The following FBXL7 variants were observed in gnomAD, a reference collection of about 807,000 sequenced individuals.
The protein encoded by FBXL7 is F-box/LRR-repeat protein 7.
In FBXL7, 12 loss-of-function variants were observed where a neutral mutation model predicts 38.3. That is an observed-to-expected ratio of 0.31 (90% CI 0.20 to 0.51). The LOEUF (loss-of-function observed/expected upper bound fraction) is 0.51. Among genes scored for constraint, FBXL7 ranks in the 20% least tolerant of loss-of-function variants. The pLI is 0.98. For missense variants in FBXL7, 567 were observed against 676.4 expected, an observed-to-expected ratio of 0.84 and a Z score of 1.79; for synonymous variants, 297 against 300.9, an observed-to-expected ratio of 0.99 and a Z score of 0.13.
At chr5:15,903,602 G>A (rs1366641775) in intron 2 of FBXL7, among the ~76,000 whole-genome samples, 1 of 152,078 alleles carries the variant, frequency 6.6e-6, no homozygotes, top group Non-Finnish European at 1.5e-5. Flanking sequence ...AAACTTGACA[G>A]TATAGCAACT....
intron 1 of FBXL7, among the ~76,000 whole-genome samples, chr5:15,567,831 G>A (rs1043579011): frequency 1.3e-4 from 19 of 151,662 alleles, no homozygotes; most frequent in Admixed American, 2.0e-4. Context: ...CCACCTATGA[G>A]TGAGAACATA....
At position 15,936,859 on chromosome 5, in the gene FBXL7, G is replaced by T. The variant is rs780770958; in HGVS notation, c.1149G>T (p.Ala383=). 6 of 1,613,784 alleles carry T rather than the reference G, an allele frequency of 3.7e-6. No individual in the cohort carries two copies. Among genetic ancestry groups the T allele is most frequent in the Non-Finnish European group, 3.4e-6 (4 of 1,179,860 alleles). ...KYCSKLRYLN[A]RGCEGITDHG... is the part of the protein sequence containing the mutation. Reference sequence around the variant, plus strand: ...GCAGCAAGCTGCGCTACCTCAACGCGAGGGGCTGCGAGGGCATCACGGACC... The same window carrying T: ...GCAGCAAGCTGCGCTACCTCAACGCTAGGGGCTGCGAGGGCATCACGGACC... Residue 383 remains alanine, a synonymous_variant, in exon 4 of 4, where the codon GCG becomes GCT. Coordinates refer to ENST00000504595, the MANE Select transcript of FBXL7 (RefSeq NM_012304.5). This position sits in a 1 kb window ranked among gnomAD's most constrained non-coding sequence, Gnocchi z 6.0.
intron 2 of FBXL7, among the ~76,000 whole-genome samples, chr5:15,680,340 A>G (rs796868381): frequency 1.9e-4 from 29 of 152,344 alleles, no homozygotes; most frequent in African/African-American, 5.5e-4. Flanking sequence ...GATGTCTTAC[A>G]TGTGAGTTGA....
At chr5:15,653,096 T>G (rs184383714) in intron 2 of FBXL7, among the ~76,000 whole-genome samples, 70 of 152,332 alleles carry the variant, frequency 4.6e-4, no homozygotes, top group African/African-American at 1.6e-3. Flanking sequence ...AAGTACAGTT[T>G]GTGGTGCTGC....
At chr5:15,544,095 G>A (rs1031949127) in intron 1 of FBXL7, among the ~76,000 whole-genome samples, 1 of 152,224 alleles carries the variant, frequency 6.6e-6, no homozygotes, top group African/African-American at 2.4e-5. Context: ...GTGCAGAACT[G>A]CCTCTGAGAA....
At chr5:15,702,682 T>C (rs765668426) in intron 2 of FBXL7, among the ~76,000 whole-genome samples, 3 of 152,258 alleles carry the variant, frequency 2.0e-5, no homozygotes, top group Non-Finnish European at 4.4e-5. Flanking sequence ...TGTTGACATT[T>C]CTAGTTGACT....
intron 1 of FBXL7, among the ~76,000 whole-genome samples, chr5:15,522,345 G>A (rs1737120632): frequency 6.6e-6 from 1 of 152,182 alleles, no homozygotes; most frequent in Non-Finnish European, 1.5e-5. Context: ...TTTCTGGGCA[G>A]TGTGCCCAGT....
At chr5:15,557,189 T>C (rs1374805757) in intron 1 of FBXL7, among the ~76,000 whole-genome samples, 1 of 152,182 alleles carries the variant, frequency 6.6e-6, no homozygotes, top group East Asian at 1.9e-4. Flanking sequence ...CCCCCAGCCT[T>C]GGCCTCTCAA....
At chr5:15,774,166 C>T (rs569160916) in intron 2 of FBXL7, among the ~76,000 whole-genome samples, 1 of 151,802 alleles carries the variant, frequency 6.6e-6, no homozygotes, top group African/African-American at 2.4e-5. Flanking sequence ...TTTTCAGCTT[C>T]CAGAGGCTAC....
intron 2 of FBXL7, among the ~76,000 whole-genome samples, chr5:15,852,457 AAAGG>A (rs1363965853): frequency 6.6e-6 from 1 of 152,176 alleles, no homozygotes; most frequent in Non-Finnish European, 1.5e-5. Flanking sequence ...GAGTGAGGAG[AAAGG>A]GAATCATTTG....
At chr5:15,929,582 CCA>C (rs1741983806) in intron 3 of FBXL7, among the ~76,000 whole-genome samples, 1 of 150,426 alleles carries the variant, frequency 6.6e-6, no homozygotes, top group African/African-American at 2.5e-5. Flanking sequence ...TATGATCATA[CCA>C]CTGCACTCCA....
chr5:15,650,678 A>T (rs1741678224), intron 2 of FBXL7, among the ~76,000 whole-genome samples: 1 of 152,224 alleles, frequency 6.6e-6, no homozygotes, highest in African/African-American at 2.4e-5. Context: ...GAATATTTTA[A>T]ATGTTTTCTT....
At chr5:15,667,064 AAG>A (rs1401490215) in intron 2 of FBXL7, among the ~76,000 whole-genome samples, 1 of 152,212 alleles carries the variant, frequency 6.6e-6, no homozygotes, top group Non-Finnish European at 1.5e-5. Flanking sequence ...TAAGAAATAA[AAG>A]AGAAACTTTA....
intron 2 of FBXL7, among the ~76,000 whole-genome samples, chr5:15,664,608 A>G (rs1437835100): frequency 6.6e-6 from 1 of 150,674 alleles, no homozygotes; most frequent in Non-Finnish European, 1.5e-5. Context: ...AGTAGCTGGG[A>G]TTACAAGCAG....
Position 15,620,420 on chromosome 5 carries a change from T to G in FBXL7, c.127+4348T>G, listed in dbSNP as rs558495827. Among the ~76,000 whole-genome samples, 319 of 150,796 alleles carry G rather than the reference T, an allele frequency of 2.1e-3. 2 individuals carry two copies. Among genetic ancestry groups the G allele is most frequent in the Middle Eastern group, 0.014 (4 of 294 alleles). On this transcript the variant is annotated intron_variant, in intron 2 of 3. Coordinates refer to ENST00000504595, the MANE Select transcript of FBXL7 (RefSeq NM_012304.5). ...GCTAATTTTTTGTTTTTTGTTTTTT[T>G]TTTTTTTTAAGTAGAAACGGGGTTT...
intron 2 of FBXL7, among the ~76,000 whole-genome samples, chr5:15,676,695 A>C (rs1742664787): frequency 6.6e-6 from 1 of 152,222 alleles, no homozygotes; most frequent in African/African-American, 2.4e-5. Context: ...TTACAAGAGC[A>C]GGGCCATAGG....
chr5:15,587,647 A>G (rs1580387324), intron 1 of FBXL7, among the ~76,000 whole-genome samples: 1 of 152,198 alleles, frequency 6.6e-6, no homozygotes, highest in South Asian at 2.1e-4. Context: ...AGATGAAGAA[A>G]CTAAGGTACC....
At chr5:15,808,548 AG>A (rs2126749950) in intron 2 of FBXL7, among the ~76,000 whole-genome samples, 1 of 152,296 alleles carries the variant, frequency 6.6e-6, no homozygotes, top group Admixed American at 6.5e-5. Flanking sequence ...TTGAGTACCT[AG>A]TAGAGTAAAA....
intron 2 of FBXL7, among the ~76,000 whole-genome samples, chr5:15,863,831 C>T (rs1739587065): frequency 6.6e-6 from 1 of 152,176 alleles, no homozygotes; most frequent in South Asian, 2.1e-4. Context: ...GCTCTCTGCC[C>T]ATGCAGGGTC....
Sources: gnomAD v4.1 joint callset for allele counts (sites outside exome capture counted in the v4.1 genomes callset) on GRCh38, gnomAD v4.1.1 for gene constraint, Gnocchi (gnomAD v3.1) non-coding constraint, MANE v1.5 for transcripts, NCBI Gene and HGNC (gene_info 2026-07-23, HGNC 2026-07-21) for gene names.